SUCLG2: variants seen among roughly 807,000 people sequenced by gnomAD.
SUCLG2 encodes succinate--CoA ligase [GDP-forming] subunit beta, mitochondrial.
In SUCLG2, 42 loss-of-function variants were observed where a neutral mutation model predicts 47.9. The ratio of observed to expected loss-of-function variants is 0.88; its 90% CI spans 0.69 to 1.14. SUCLG2 has a LOEUF of 1.14. SUCLG2 is among the 50% of genes most tolerant of loss of function. SUCLG2 has a pLI of 0.00. For synonymous variants in SUCLG2, 195 were observed against 197.3 expected, an observed-to-expected ratio of 0.99 and a Z score of 0.10; for missense variants, 571 against 525.9, an observed-to-expected ratio of 1.09 and a Z score of -0.84.
At chr3:67,431,230 C>T (rs1335738059) in intron 9 of SUCLG2, among the ~76,000 whole-genome samples, 3 of 152,122 alleles carry the variant, frequency 2.0e-5, no homozygotes, top group African/African-American at 7.2e-5. Context: ...CTGAATCCAG[C>T]AGCACATCAA....
At chr3:67,456,173 C>T (rs750910657) in intron 9 of SUCLG2, among the ~76,000 whole-genome samples, 8 of 152,108 alleles carry the variant, frequency 5.3e-5, no homozygotes, top group East Asian at 1.9e-4. Context: ...GTGGGACTTC[C>T]GGGATTCAGC....
At chr3:67,466,636 C>A (rs897920260) in intron 9 of SUCLG2, among the ~76,000 whole-genome samples, 1 of 152,216 alleles carries the variant, frequency 6.6e-6, no homozygotes, top group Non-Finnish European at 1.5e-5. Flanking sequence ...TGAGATGACA[C>A]TGAAGTTTGT....
intron 9 of SUCLG2, among the ~76,000 whole-genome samples, chr3:67,405,084 G>A (rs1437472315): frequency 4.0e-5 from 6 of 151,536 alleles, no homozygotes; most frequent in Admixed American, 3.3e-4. Flanking sequence ...ATTCTCGGGT[G>A]AGAATTATGA....
intron 2 of SUCLG2, among the ~76,000 whole-genome samples, chr3:67,592,562 C>G (rs907033109): frequency 2.0e-5 from 3 of 151,966 alleles, no homozygotes; most frequent in African/African-American, 7.3e-5. Flanking sequence ...GTGGCATTCC[C>G]CACATATGAA....
intron 2 of SUCLG2, among the ~76,000 whole-genome samples, chr3:67,568,591 A>G (rs1014012889): frequency 4.6e-5 from 7 of 152,194 alleles, no homozygotes; most frequent in Non-Finnish European, 8.8e-5. Context: ...GCAAGCTTTT[A>G]AAAAATAAAG....
chr3:67,538,966 G>A (rs1030222371), intron 2 of SUCLG2, among the ~76,000 whole-genome samples: 17 of 152,146 alleles, frequency 1.1e-4, no homozygotes, highest in African/African-American at 3.4e-4. Flanking sequence ...GGGCAGAGAC[G>A]ATGGGGTTTT....
intron 2 of SUCLG2, among the ~76,000 whole-genome samples, chr3:67,604,567 T>C (rs1200604491): frequency 6.6e-6 from 1 of 152,190 alleles, no homozygotes; most frequent in African/African-American, 2.4e-5. Context: ...AAACAATGAC[T>C]GAATTTGGCG....
At chr3:67,512,724 C>T (rs1216232633) in intron 6 of SUCLG2, among the ~76,000 whole-genome samples, 1 of 150,926 alleles carries the variant, frequency 6.6e-6, no homozygotes, top group African/African-American at 2.5e-5. Context: ...TGCTGTGCAA[C>T]CAATTCCTAG....
intron 1 of SUCLG2, among the ~76,000 whole-genome samples, chr3:67,636,852 C>T (rs1701019780): frequency 6.6e-6 from 1 of 151,332 alleles, no homozygotes; most frequent in Non-Finnish European, 1.5e-5. Flanking sequence ...ACTCAGAGAT[C>T]CTGGTGGAGG....
intron 9 of SUCLG2, among the ~76,000 whole-genome samples, chr3:67,427,388 T>C (rs925673003): frequency 1.3e-5 from 2 of 152,128 alleles, no homozygotes; most frequent in Admixed American, 6.5e-5. Context: ...TGCCTTAATA[T>C]CAAGGAAGCT....
At chr3:67,497,018 C>T (rs1218483715) in intron 8 of SUCLG2, among the ~76,000 whole-genome samples, 1 of 152,150 alleles carries the variant, frequency 6.6e-6, no homozygotes, top group African/African-American at 2.4e-5. Flanking sequence ...CCTACAGAGG[C>T]TATAAATAAT....
intron 1 of SUCLG2, among the ~76,000 whole-genome samples, chr3:67,610,934 T>A (rs140439852): frequency 1.1e-3 from 164 of 152,244 alleles, no homozygotes; most frequent in African/African-American, 3.8e-3. Context: ...CACTAAAGGG[T>A]AGAAAGTGTG....
chr3:67,556,006 G>A (rs191662966), intron 2 of SUCLG2, among the ~76,000 whole-genome samples: 75 of 152,316 alleles, frequency 4.9e-4, no homozygotes, highest in Non-Finnish European at 6.8e-4. Context: ...CATTTTCCCC[G>A]AGTGGGGGAC....
At chr3:67,633,613 T>C (rs921949492) in intron 1 of SUCLG2, among the ~76,000 whole-genome samples, 2 of 152,192 alleles carry the variant, frequency 1.3e-5, no homozygotes, top group South Asian at 2.1e-4. Flanking sequence ...AAATACCTAG[T>C]TGTAGTAAAT....
chr3:67,539,996 C>CA (rs1006273225), intron 2 of SUCLG2, among the ~76,000 whole-genome samples: 5 of 150,534 alleles, frequency 3.3e-5, no homozygotes, highest in South Asian at 2.1e-4. Context: ...TTAGCCTTTT[C>CA]AAAAAAAACA....
chr3:67,515,967 C>T (rs1221140664), intron 6 of SUCLG2, among the ~76,000 whole-genome samples: 1 of 152,126 alleles, frequency 6.6e-6, no homozygotes, highest in Non-Finnish European at 1.5e-5. Context: ...GCCCCCTCCC[C>T]CACTCTCTCC....
chr3:67,395,815 A>C (rs184576495), intron 10 of SUCLG2, among the ~76,000 whole-genome samples: 397 of 152,330 alleles, frequency 2.6e-3, no homozygotes, highest in African/African-American at 9.0e-3. Flanking sequence ...AATTATAACA[A>C]ACTGTCTCTC....
At chr3:67,534,043 A>C (rs528656881) in intron 2 of SUCLG2, among the ~76,000 whole-genome samples, 20 of 152,304 alleles carry the variant, frequency 1.3e-4, no homozygotes, top group African/African-American at 3.8e-4. Context: ...CAGAGATTTG[A>C]ATCGTGTATG....
At chr3:67,402,123 G>T (rs73098399) in intron 9 of SUCLG2, among the ~76,000 whole-genome samples, 12,420 of 152,234 alleles carry the variant, frequency 0.082, 669 homozygotes, top group Admixed American at 0.13. Context: ...CTGGGACCTT[G>T]GTCGAGTTAC....
Sources: allele counts gnomAD v4.1 joint callset (sites outside exome capture counted in the v4.1 genomes callset), GRCh38; gene constraint gnomAD v4.1.1; transcripts MANE v1.5; gene names NCBI Gene and HGNC (gene_info 2026-07-23, HGNC 2026-07-21).